The following SNX11 variants were observed in gnomAD, a reference collection of about 807,000 sequenced individuals.
SNX11 encodes sorting nexin 11, also known as sorting nexin-11.
SNX11 carries 19 observed loss-of-function variants against 30.7 expected under a neutral mutation model. The observed-to-expected ratio is 0.62, with a 90% CI of 0.43 to 0.91. The LOEUF is 0.91. Among genes scored for constraint, SNX11 ranks in the 40% least tolerant of loss-of-function variants. SNX11 has a pLI of 0.00. For synonymous variants in SNX11, 112 were observed against 119.0 expected (o/e 0.94, Z 0.38); for missense variants, 302 against 326.7 (o/e 0.92, Z 0.58).
At chr17:48,112,739 T>TC in intron 3 of SNX11, 79 bp downstream of exon 3, 1 of 880,628 alleles carries the variant, frequency 1.1e-6, no homozygotes, top group Non-Finnish European at 1.7e-6. Flanking sequence ...ACCTTTTTTT[T>TC]TTTTTTTTGA....
intron 1 of SNX11, chr17:48,111,241 TG>T: frequency 2.4e-6 from 1 of 420,692 alleles, no homozygotes; most frequent in African/African-American, 2.2e-5. Context: ...GATTCACCTG[TG>T]GGGAGTTGAC....
chr17:48,113,548 GTTT>G (rs377736294), intron 4 of SNX11, 147 bp downstream of exon 4: 420 of 426,180 alleles, frequency 9.9e-4, no homozygotes, highest in East Asian at 1.8e-3. Flanking sequence ...TGTTTTTTGG[GTTT>G]TTTTTTTTTT....
At chr17:48,112,764 C>G in intron 3 of SNX11, 104 bp downstream of exon 3, 1 of 611,840 alleles carries the variant, frequency 1.6e-6, no homozygotes, top group Non-Finnish European at 2.7e-6. Flanking sequence ...GAGTTTTGCT[C>G]TTGTTGCCCA....
At chr17:48,115,596 A>G (rs1296451929) in intron 4 of SNX11, among the ~76,000 whole-genome samples, 4 of 150,540 alleles carry the variant, frequency 2.7e-5, no homozygotes, top group Non-Finnish European at 4.4e-5. Context: ...TCCACTTCAC[A>G]TGTAAAAATA....
At chr17:48,116,427 G>T (rs373118248) in intron 4 of SNX11, among the ~76,000 whole-genome samples, 1 of 152,014 alleles carries the variant, frequency 6.6e-6, no homozygotes, top group Admixed American at 6.6e-5. Flanking sequence ...TGTTGCCCAG[G>T]CTGGTCTCTC....
intron 6 of SNX11, among the ~76,000 whole-genome samples, chr17:48,119,411 C>G (rs1224222211): frequency 6.6e-6 from 1 of 152,124 alleles, no homozygotes; most frequent in Admixed American, 6.6e-5. Flanking sequence ...AAAGCTTTCT[C>G]ATTTATTCGG....
intron 6 of SNX11, among the ~76,000 whole-genome samples, chr17:48,120,789 C>T (rs896319776): frequency 1.5e-4 from 22 of 151,680 alleles, no homozygotes; most frequent in Middle Eastern, 3.4e-3. Flanking sequence ...GGATTACAGG[C>T]GTGAGCCACC....
chr17:48,117,843 C>A (rs969476878), intron 4 of SNX11, among the ~76,000 whole-genome samples: 2 of 152,060 alleles, frequency 1.3e-5, no homozygotes, highest in Non-Finnish European at 1.5e-5. Context: ...TCTACAGATA[C>A]ATAAGTAAAC....
intron 4 of SNX11, among the ~76,000 whole-genome samples, chr17:48,114,115 CA>C (rs1267608705): frequency 6.6e-6 from 1 of 151,694 alleles, no homozygotes; most frequent in Non-Finnish European, 1.5e-5. Flanking sequence ...CTCGGCCTCC[CA>C]AAGTGCTGGG....
rs376837418 is a variant in SNX11, at chr17:48,119,060, G to A, written c.413G>A (p.Cys138Tyr). The change falls in exon 6 of 7, where the codon TGT (cysteine) becomes TAT (tyrosine). Residue 138 changes from cysteine (C) to tyrosine (Y), a missense_variant. Cys to Tyr is a radical substitution (Grantham distance 194). Transcript: ENST00000359238. ...SQLSVPEIEA[C>Y]VQGRSTMTVS... ...CTCTCGGTGCCTGAGATAGAAGCCT[G>A]TGTCCAGGGCCGAAGTACCATGACT... 34 of 1,614,020 alleles carry A rather than the reference G, an allele frequency of 2.1e-5. No homozygotes were observed. Among genetic ancestry groups the A allele is most frequent in the African/African-American group, 5.3e-5 (4 of 74,920 alleles).
intron 4 of SNX11, chr17:48,113,608 C>A: frequency 2.3e-6 from 1 of 429,264 alleles, no homozygotes; most frequent in East Asian, 4.8e-5. Flanking sequence ...TGCAGTGGTG[C>A]AATCATGGCT....
In SNX11 at chr17:48,121,487, A is replaced by G; in HGVS notation, c.792A>G (p.Leu264=). ...CTGTGCCTTTGGACCCTGGTCAGTT[A>G]GAAACAGTTTTGGAAAAGTGAGCTC... ...DHAVPLDPGQ[L]ETVLEK Residue 264 remains leucine (L), a synonymous_variant, in exon 7 of 7, where the codon TTA becomes TTG. Transcript: ENST00000359238. 6.2e-7 allele frequency: 1 copy of G among 1,613,758 alleles called. No homozygotes were observed. Among genetic ancestry groups the G allele is most frequent in the South Asian group, 1.1e-5 (1 of 91,052 alleles).
At chr17:48,109,981 A>G (rs1450761142) in intron 1 of SNX11, among the ~76,000 whole-genome samples, 1 of 74,436 alleles carries the variant, frequency 1.3e-5, no homozygotes, top group Non-Finnish European at 3.4e-5. Flanking sequence ...TTCAAGGCAC[A>G]AAAGATGTAT....
chr17:48,111,716 A>C (rs1281707241), intron 1 of SNX11, among the ~76,000 whole-genome samples: 1 of 151,460 alleles, frequency 6.6e-6, no homozygotes, highest in East Asian at 1.9e-4. Context: ...TCTTCAAGGC[A>C]AAAGTTTTAC....
chr17:48,120,928 C>G lies in SNX11; in HGVS notation c.540-307C>G, dbSNP rs563453514. ...ATTTTTTTTTTTTTTAATCGGGCAGCCTCCTGAGTCAGAACAGGCTCAGAG... is the reference window on the plus strand; with the variant it reads ...ATTTTTTTTTTTTTTAATCGGGCAGGCTCCTGAGTCAGAACAGGCTCAGAG... On this transcript the variant is annotated intron_variant, in intron 6 of 6. Coordinates refer to ENST00000359238, the MANE Select transcript of SNX11 (RefSeq NM_013323.3). Among the ~76,000 whole-genome samples the G allele has an allele frequency of 5.3e-5, 8 of 150,800 alleles. No individual in the cohort carries two copies. The East Asian group carries it at 1.6e-3, about 29-fold the overall frequency.
chr17:48,118,004 T>G (rs2063562558), intron 4 of SNX11, among the ~76,000 whole-genome samples: 1 of 151,962 alleles, frequency 6.6e-6, no homozygotes, highest in African/African-American at 2.4e-5. Context: ...CTGGGCAACC[T>G]GGAGAGAGCA....
At chr17:48,110,358 A>G (rs2063478779) in intron 1 of SNX11, among the ~76,000 whole-genome samples, 1 of 152,214 alleles carries the variant, frequency 6.6e-6, no homozygotes, top group Admixed American at 6.5e-5. Context: ...AGGTTTGCTC[A>G]ATATTGTGTA....
In SNX11 at chr17:48,121,668, T is replaced by G. The variant is rs2063604294; in HGVS notation, c.*160T>G. 2 of 673,420 alleles carry G rather than the reference T, an allele frequency of 3.0e-6. No homozygotes were observed. The highest frequency in any genetic ancestry group is 5.7e-5 in the Admixed American group (2 of 35,240). The allele number at this position is 673,420 out of a possible 1,614,324, so 41.7% of individuals were successfully genotyped here. On this transcript the variant is annotated 3_prime_UTR_variant, in exon 7 of 7. Transcript: ENST00000359238. The stretch of plus-strand genomic sequence containing the variant: ...GACAGAGGTCAGTCATTACAGCCCC[T>G]TATGCCTCTTCCATGGGAACAAATA...
chr17:48,112,267 G>A (rs2063499696), intron 2 of SNX11, 182 bp downstream of exon 2: 3 of 690,602 alleles, frequency 4.3e-6, no homozygotes, highest in South Asian at 1.7e-5. Context: ...GGAAATTGGG[G>A]TTCCATTCTG....
Sources: gnomAD v4.1 joint callset for allele counts (sites outside exome capture counted in the v4.1 genomes callset) on GRCh38, gnomAD v4.1.1 for gene constraint, MANE v1.5 for transcripts, NCBI Gene and HGNC (gene_info 2026-07-23, HGNC 2026-07-21) for gene names.